The following ADCY8 variants were observed in gnomAD, a reference collection of about 807,000 sequenced individuals.
ADCY8 encodes the protein adenylate cyclase type 8.
A neutral mutation model predicts 119.7 loss-of-function variants in ADCY8; 51 were observed. The ratio of observed to expected loss-of-function variants is 0.43; its 90% confidence interval spans 0.34 to 0.54. The LOEUF is 0.54. Among genes scored for constraint, ADCY8 ranks in the 20% least tolerant of loss-of-function variants. ADCY8 has a pLI of 0.03. For synonymous variants in ADCY8, 665 were observed against 651.0 expected (o/e 1.02, Z -0.33); for missense variants, 1,383 against 1,598.8 (o/e 0.87, Z 2.30).
chr8:130,987,646 G>A (rs1822443492), intron 2 of ADCY8, among the ~76,000 whole-genome samples: 1 of 152,112 alleles, frequency 6.6e-6, no homozygotes, highest in Non-Finnish European at 1.5e-5. Context: ...GGTATCTGCT[G>A]TCGCTTAGGT....
At chr8:130,955,901 T>C (rs936569338) in intron 2 of ADCY8, among the ~76,000 whole-genome samples, 2 of 152,128 alleles carry the variant, frequency 1.3e-5, no homozygotes, top group African/African-American at 4.8e-5. Context: ...TCCCAGCACT[T>C]TGGGAGACTG....
chr8:130,789,347 C>T (rs1043024051), intron 15 of ADCY8, among the ~76,000 whole-genome samples: 4 of 152,148 alleles, frequency 2.6e-5, no homozygotes, highest in African/African-American at 4.8e-5. Context: ...GAGGAAGCTT[C>T]GTGGGTGCCT....
intron 2 of ADCY8, among the ~76,000 whole-genome samples, chr8:130,976,958 T>C (rs1461301215): frequency 6.6e-6 from 1 of 152,156 alleles, no homozygotes; most frequent in Non-Finnish European, 1.5e-5. Flanking sequence ...AGCTCAGAGA[T>C]TACCTTGCTC....
intron 9 of ADCY8, among the ~76,000 whole-genome samples, chr8:130,856,699 C>T (rs912743443): frequency 6.6e-6 from 1 of 152,130 alleles, no homozygotes; most frequent in Admixed American, 6.5e-5. Context: ...ATGTGTCTAC[C>T]TTCGTAGGAT....
chr8:130,945,796 A>G lies in ADCY8; in HGVS notation c.1242-2334T>C, dbSNP rs188601759. Among the ~76,000 whole-genome samples, 1,150 of 152,358 alleles carry G rather than the reference A, an allele frequency of 7.5e-3. 9 individuals carry two copies. Among genetic ancestry groups the G allele is most frequent in the Non-Finnish European group, 0.011 (780 of 68,032 alleles). ...AAGCCTGAACTGCCAGGCAGCAGCA[A>G]CACTTACAGAGTATTCACTGTGGAC... is the stretch of plus-strand genomic sequence containing the variant. On this transcript the variant is annotated intron_variant, in intron 3 of 17. Transcript: ENST00000286355.
chr8:130,916,993 C>T (rs1259809808), intron 5 of ADCY8, among the ~76,000 whole-genome samples: 1 of 152,168 alleles, frequency 6.6e-6, no homozygotes, highest in Admixed American at 6.5e-5. Flanking sequence ...ACCATGCTTA[C>T]CCTGACATGA....
chr8:130,980,469 G>A (rs889734551), intron 2 of ADCY8, among the ~76,000 whole-genome samples: 3 of 152,142 alleles, frequency 2.0e-5, no homozygotes, highest in Admixed American at 2.0e-4. Context: ...AATGGAGAAG[G>A]AAGTAGGGTT....
chr8:131,010,017 C>A (rs1453788493), intron 1 of ADCY8, among the ~76,000 whole-genome samples: 1 of 152,180 alleles, frequency 6.6e-6, no homozygotes, highest in Non-Finnish European at 1.5e-5. Flanking sequence ...ATCCTCATCC[C>A]AATCCTGCAA....
In ADCY8 at chr8:131,008,881, C is replaced by T. The variant is rs559790823; in HGVS notation, c.961-18339G>A. Among the ~76,000 whole-genome samples the T allele has an allele frequency of 1.1e-3, 170 of 152,176 alleles. 1 individual carries two copies. Among genetic ancestry groups the T allele is most frequent in the Non-Finnish European group, 1.9e-3 (126 of 68,004 alleles). On this transcript the variant is annotated intron_variant, in intron 1 of 17. Coordinates refer to ENST00000286355, the MANE Select transcript of ADCY8 (RefSeq NM_001115.3). ...TCTTTGGAACTGGAGCAATGGTGAC[C>T]CTTGCTATGTTTTGGCAAGGAGATT...
intron 15 of ADCY8, among the ~76,000 whole-genome samples, chr8:130,789,024 C>T (rs923960890): frequency 2.6e-5 from 4 of 151,898 alleles, no homozygotes; most frequent in South Asian, 4.2e-4. Context: ...AATGAGGGGA[C>T]GGGGAGGAGC....
chr8:130,915,331 A>G (rs529365921), intron 5 of ADCY8, among the ~76,000 whole-genome samples: 2 of 152,310 alleles, frequency 1.3e-5, no homozygotes, highest in South Asian at 4.1e-4. Flanking sequence ...TTAGACAATT[A>G]ATCCATAGGA....
chr8:131,028,046 G>A (rs1397134067), intron 1 of ADCY8, among the ~76,000 whole-genome samples: 5 of 152,202 alleles, frequency 3.3e-5, no homozygotes, highest in African/African-American at 1.2e-4. Context: ...TAAATGGGCA[G>A]GTAAAGGGCC....
chr8:130,983,599 G>A (rs570489919), intron 2 of ADCY8, among the ~76,000 whole-genome samples: 5 of 152,290 alleles, frequency 3.3e-5, no homozygotes, highest in African/African-American at 1.2e-4. Context: ...GACATGATTG[G>A]AATGTCACGC....
intron 13 of ADCY8, among the ~76,000 whole-genome samples, chr8:130,819,501 G>A (rs1816443206): frequency 6.6e-6 from 1 of 152,158 alleles, no homozygotes; most frequent in African/African-American, 2.4e-5. Context: ...TAAGGTGACA[G>A]AAGAGACAGA....
chr8:130,860,666 C>T (rs746855380), intron 9 of ADCY8, among the ~76,000 whole-genome samples: 8 of 152,096 alleles, frequency 5.3e-5, no homozygotes, highest in Non-Finnish European at 7.3e-5. Flanking sequence ...GACACATTTG[C>T]AGAACGTGCA....
At chr8:130,825,359 C>T (rs747051194) in intron 12 of ADCY8, among the ~76,000 whole-genome samples, 17 of 152,174 alleles carry the variant, frequency 1.1e-4, no homozygotes, top group South Asian at 1.0e-3. Context: ...TGTTATACAA[C>T]GCTGAAATGT....
intron 6 of ADCY8, among the ~76,000 whole-genome samples, chr8:130,906,576 C>G: frequency 6.6e-6 from 1 of 152,042 alleles, no homozygotes; most frequent in East Asian, 1.9e-4. Flanking sequence ...TTAGATGTTT[C>G]TTTTCATCCT....
At chr8:130,885,193 G>T (rs964789786) in intron 7 of ADCY8, among the ~76,000 whole-genome samples, 1 of 150,448 alleles carries the variant, frequency 6.6e-6, no homozygotes. Context: ...ATTTAATGGT[G>T]GTGGAGAGAC....
chr8:130,857,859 T>G (rs556370356), intron 9 of ADCY8, among the ~76,000 whole-genome samples: 1 of 152,322 alleles, frequency 6.6e-6, no homozygotes, highest in South Asian at 2.1e-4. Context: ...TTTCTCTCAC[T>G]TTTTTACAAG....
Sources: allele counts gnomAD v4.1 joint callset (sites outside exome capture counted in the v4.1 genomes callset), GRCh38; gene constraint gnomAD v4.1.1; transcripts MANE v1.5; gene names NCBI Gene and HGNC (gene_info 2026-07-23, HGNC 2026-07-21).